Variants in HDAC9 observed in about 807,000 individuals in gnomAD.
HDAC9 encodes histone deacetylase 9.
A neutral mutation model predicts 139.4 loss-of-function variants in HDAC9; 41 were observed. The ratio of observed to expected loss-of-function variants is 0.29; its 90% CI spans 0.23 to 0.38. The LOEUF (loss-of-function observed/expected upper bound fraction) is 0.38. Among genes scored for constraint, HDAC9 ranks in the 10% least tolerant of loss-of-function variants. The pLI is 1.00. For synonymous variants in HDAC9, 517 were observed against 476.2 expected (o/e 1.09, Z -1.12); for missense variants, 1,147 against 1,297.0 (o/e 0.88, Z 1.78).
chr7:18,706,160 C>CTTTTTTTT (rs1165670432), intron 12 of HDAC9, among the ~76,000 whole-genome samples: 19 of 86,762 alleles, frequency 2.2e-4, no homozygotes, highest in African/African-American at 3.0e-4. Flanking sequence ...GAAAGTTTTC[C>CTTTTTTTT]TTTTTTTTTT....
At chr7:18,653,239 C>CAA (rs397971219) in intron 11 of HDAC9, among the ~76,000 whole-genome samples, 1,729 of 82,094 alleles carry the variant, frequency 0.021, 54 homozygotes, top group South Asian at 0.058. Context: ...AACTCCATCT[C>CAA]AAAAAAAAAA....
intron 11 of HDAC9, among the ~76,000 whole-genome samples, chr7:18,654,576 T>C (rs1287169464): frequency 6.6e-6 from 1 of 152,122 alleles, no homozygotes; most frequent in Non-Finnish European, 1.5e-5. Context: ...TAACATAGGT[T>C]GTATGACACA....
intron 1 of HDAC9, among the ~76,000 whole-genome samples, chr7:18,134,617 A>G (rs570724807): frequency 7.8e-4 from 119 of 152,318 alleles, no homozygotes; most frequent in African/African-American, 2.5e-3. Flanking sequence ...AGTGAACAAC[A>G]TTATTACTCA....
At position 18,829,504 on chromosome 7, in the gene HDAC9, T is replaced by A; in HGVS notation, c.2422T>A (p.Leu808Met). 1.2e-6 allele frequency: 2 copies of A among 1,612,728 alleles called. No homozygotes were observed. Among genetic ancestry groups the A allele is most frequent in the South Asian group, 2.2e-5 (2 of 91,026 alleles). Residue 808 changes from leucine (L) to methionine (M), a missense_variant, in exon 19 of 26, where the codon TTG (leucine) becomes ATG (methionine). Leu to Met is a conservative substitution (Grantham distance 15, BLOSUM62 2). Around this residue, in one of 7 missense-constraint regions of HDAC9, gnomAD observed 407 missense variants for 521.5 expected, o/e 0.78. Coordinates refer to ENST00000686413, the MANE Select transcript of HDAC9 (RefSeq NM_178425.4). ...FNSVAITAKY[L>M]RDQLNISKIL... ...TTCAGTTGCAATTACCGCCAAATACTTGAGAGACCAACTAAATATAAGCAA... is the reference window on the plus strand; with the variant it reads ...TTCAGTTGCAATTACCGCCAAATACATGAGAGACCAACTAAATATAAGCAA...
rs116182599 is a variant in HDAC9, at chr7:18,269,319, A to G, written c.25+106970A>G. 2.9e-3 allele frequency among the ~76,000 whole-genome samples: 443 copies of G among 152,324 alleles called. 2 individuals carry two copies. Among genetic ancestry groups the G allele is most frequent in the African/African-American group, 9.9e-3 (410 of 41,566 alleles). On this transcript the variant is annotated intron_variant, in intron 2 of 12. Transcript: ENST00000417496. ...CACTTGGCTACTCTAGGGCTTTGGA[A>G]AAAATGAGAAGTGGGTGTTTAAATG...
intron 1 of HDAC9, among the ~76,000 whole-genome samples, chr7:18,465,283 A>C (rs1176798828): frequency 6.6e-6 from 1 of 151,900 alleles, no homozygotes; most frequent in Non-Finnish European, 1.5e-5. Flanking sequence ...ATTATTTTTA[A>C]ATTGCTTATA....
intron 14 of HDAC9, among the ~76,000 whole-genome samples, chr7:18,759,131 T>C (rs941729406): frequency 1.1e-4 from 16 of 152,222 alleles, no homozygotes; most frequent in South Asian, 6.2e-4. Flanking sequence ...CAATGCTAGA[T>C]AGCTGGGCCA....
At chr7:18,730,572 T>C (rs189161668) in intron 13 of HDAC9, among the ~76,000 whole-genome samples, 5 of 152,330 alleles carry the variant, frequency 3.3e-5, no homozygotes, top group Admixed American at 1.3e-4. Flanking sequence ...GCCAGTAGTA[T>C]TGAACCAGTT....
intron 1 of HDAC9, among the ~76,000 whole-genome samples, chr7:18,445,657 T>A (rs990833882): frequency 6.6e-6 from 1 of 152,252 alleles, no homozygotes; most frequent in Non-Finnish European, 1.5e-5. Context: ...CTGTATGTTA[T>A]AACCAGGCCT....
intron 11 of HDAC9, among the ~76,000 whole-genome samples, chr7:18,651,905 A>G (rs1359609525): frequency 6.6e-6 from 1 of 152,066 alleles, no homozygotes; most frequent in Non-Finnish European, 1.5e-5. Flanking sequence ...AATAATGGGG[A>G]AAGTCAGAAA....
chr7:18,953,928 C>T (rs1467908048), intron 23 of HDAC9, among the ~76,000 whole-genome samples: 1 of 152,036 alleles, frequency 6.6e-6, no homozygotes, highest in African/African-American at 2.4e-5. Context: ...ATAGATTAGT[C>T]TTGTGACCAA....
chr7:18,102,748 A>G (rs956044535), intron 1 of HDAC9, among the ~76,000 whole-genome samples: 32 of 152,232 alleles, frequency 2.1e-4, no homozygotes, highest in African/African-American at 6.5e-4. Flanking sequence ...ATTTTAAACC[A>G]TGTGACAAAG....
intron 6 of HDAC9, among the ~76,000 whole-genome samples, chr7:18,604,590 C>T (rs1287483422): frequency 5.3e-5 from 8 of 151,738 alleles, no homozygotes; most frequent in East Asian, 3.9e-4. Flanking sequence ...TTAGTAGAGA[C>T]GGGTTTCACC....
chr7:18,612,838 G>A (rs184422312), intron 6 of HDAC9, among the ~76,000 whole-genome samples: 1 of 151,950 alleles, frequency 6.6e-6, no homozygotes, highest in African/African-American at 2.4e-5. Context: ...TCTTTTAAGG[G>A]GCAGATACTA....
At chr7:18,826,648 CTT>C (rs547478526) in intron 17 of HDAC9, among the ~76,000 whole-genome samples, 42 of 121,994 alleles carry the variant, frequency 3.4e-4, no homozygotes, top group Non-Finnish European at 3.7e-4. Flanking sequence ...GAATTCAAGT[CTT>C]TTTTTTTTTT....
At position 18,762,163 on chromosome 7, in the gene HDAC9, C is replaced by A. The variant is rs1431708787; in HGVS notation, c.2050C>A (p.Gln684Lys). 1 of 1,613,462 alleles carries A rather than the reference C, an allele frequency of 6.2e-7. No individual in the cohort carries two copies. The highest frequency in any genetic ancestry group is 8.5e-7 in the Non-Finnish European group (1 of 1,179,618). Reference protein sequence around the residue: ...TGLLNKCERIQGRKASLEEIQ... With the variant: ...TGLLNKCERIKGRKASLEEIQ... ...TTCTGCTATTTTCTTGCAGCGAATT[C>A]AAGGTCGAAAAGCCAGCCTGGAGGA... Residue 684 changes from glutamine to lysine, a missense_variant, in exon 15 of 26, where the codon CAA becomes AAA. By Grantham distance (53) the Gln-to-Lys change is moderately conservative. Around this residue, in one of 7 missense-constraint regions of HDAC9, gnomAD observed 407 missense variants for 521.5 expected, o/e 0.78. Transcript: ENST00000686413.
chr7:18,792,688 C>G (rs1052115272), intron 16 of HDAC9, among the ~76,000 whole-genome samples: 8 of 152,184 alleles, frequency 5.3e-5, no homozygotes, highest in Non-Finnish European at 1.0e-4. Flanking sequence ...AACAATCTGA[C>G]AAATTATACT....
chr7:18,936,073 A>C, intron 23 of HDAC9, 131 bp downstream of exon 23: 1 of 858,662 alleles, frequency 1.2e-6, no homozygotes, highest in Non-Finnish European at 1.8e-6. Context: ...AAAGAAGGTA[A>C]GCCTTAGATA....
chr7:18,670,887 A>G (rs1317716692), intron 12 of HDAC9, among the ~76,000 whole-genome samples: 1 of 150,894 alleles, frequency 6.6e-6, no homozygotes, highest in Non-Finnish European at 1.5e-5. Context: ...TCTAATTCTA[A>G]TGAGGGTTAG....
Sources: allele counts gnomAD v4.1 joint callset (sites outside exome capture counted in the v4.1 genomes callset), GRCh38; gene constraint gnomAD v4.1.1; regional missense constraint gnomAD v4.1.1; transcripts MANE v1.5; gene names NCBI Gene and HGNC (gene_info 2026-07-23, HGNC 2026-07-21).